Variants in CCAR1 observed in about 807,000 individuals in gnomAD.
CCAR1 encodes cell division cycle and apoptosis regulator protein 1.
CCAR1 carries 78 observed loss-of-function variants against 163.8 expected under a neutral mutation model. The observed-to-expected ratio is 0.48, with a 90% CI of 0.40 to 0.57. The LOEUF is 0.57. Ranked by LOEUF, CCAR1 falls within the 20% of genes least tolerant of loss-of-function variation. CCAR1 has a pLI of 0.00. For missense variants in CCAR1, 1,019 were observed against 1,365.2 expected (o/e 0.75, Z 4.00); for synonymous variants, 443 against 460.7 (o/e 0.96, Z 0.49).
chr10:68,782,525 CT>C (rs1415795705), intron 19 of CCAR1, among the ~76,000 whole-genome samples: 1 of 152,156 alleles, frequency 6.6e-6, no homozygotes, highest in African/African-American at 2.4e-5. Context: ...ACAAAACAGC[CT>C]TCTTCCATCG....
At chr10:68,752,137 C>G (rs930789062) in intron 10 of CCAR1, among the ~76,000 whole-genome samples, 40 of 151,750 alleles carry the variant, frequency 2.6e-4, no homozygotes, top group Admixed American at 2.6e-3. Context: ...CCAGGATGGT[C>G]TCCATCTCCT....
intron 19 of CCAR1, among the ~76,000 whole-genome samples, chr10:68,783,399 T>C (rs2056759013): frequency 6.6e-6 from 1 of 151,786 alleles, no homozygotes; most frequent in South Asian, 2.1e-4. Context: ...GGTCTCGATC[T>C]CCTGACCTCG....
At chr10:68,753,421 G>A (rs941014682) in intron 10 of CCAR1, among the ~76,000 whole-genome samples, 8 of 152,202 alleles carry the variant, frequency 5.3e-5, no homozygotes, top group African/African-American at 1.9e-4. Flanking sequence ...TAAAATAAAA[G>A]TTATAATTTT....
chr10:68,736,244 G>C (rs934555769), intron 2 of CCAR1, among the ~76,000 whole-genome samples: 9 of 152,012 alleles, frequency 5.9e-5, no homozygotes, highest in Admixed American at 5.9e-4. Flanking sequence ...TAATACCAAA[G>C]TTTTATAGAT....
intron 2 of CCAR1, among the ~76,000 whole-genome samples, chr10:68,723,177 AGT>A (rs2055885037): frequency 1.3e-5 from 2 of 150,344 alleles, no homozygotes; most frequent in African/African-American, 4.9e-5. Context: ...GCTGGAGTGC[AGT>A]GACGCAATCT....
At chr10:68,743,635 C>T (rs1450736129) in intron 6 of CCAR1, among the ~76,000 whole-genome samples, 5 of 151,854 alleles carry the variant, frequency 3.3e-5, no homozygotes, top group African/African-American at 7.3e-5. Context: ...CTCCACCTCC[C>T]GGGTTTAAGT....
At chr10:68,730,101 T>C (rs2056015158) in intron 2 of CCAR1, among the ~76,000 whole-genome samples, 1 of 151,690 alleles carries the variant, frequency 6.6e-6, no homozygotes, top group South Asian at 2.1e-4. Flanking sequence ...TTTGTATTTT[T>C]AGTAGAGATG....
intron 4 of CCAR1, among the ~76,000 whole-genome samples, chr10:68,738,821 C>T (rs1456113773): frequency 3.3e-5 from 5 of 151,934 alleles, no homozygotes; most frequent in Non-Finnish European, 5.9e-5. Flanking sequence ...CCAAGGCGGG[C>T]GGATCACTTG....
At chr10:68,739,944 A>G (rs1319870651) in intron 4 of CCAR1, among the ~76,000 whole-genome samples, 1 of 152,200 alleles carries the variant, frequency 6.6e-6, no homozygotes. Flanking sequence ...CTTTCATACT[A>G]ATTCCTTTTA....
At chr10:68,771,488 C>T (rs2056601756) in intron 18 of CCAR1, 43 bp downstream of exon 18, 1 of 1,494,162 alleles carries the variant, frequency 6.7e-7, no homozygotes, top group South Asian at 1.2e-5. Context: ...AGTTACTCTT[C>T]TAGGTTATAA....
chr10:68,723,795 C>T (rs1450164315), intron 2 of CCAR1, among the ~76,000 whole-genome samples: 4 of 149,528 alleles, frequency 2.7e-5, no homozygotes, highest in Admixed American at 1.4e-4. Flanking sequence ...TTGCAGCGAG[C>T]TGAGATCGCG....
At chr10:68,767,521 C>T (rs896903839) in intron 17 of CCAR1, among the ~76,000 whole-genome samples, 2 of 152,190 alleles carry the variant, frequency 1.3e-5, no homozygotes, top group Non-Finnish European at 2.9e-5. Context: ...GCTGAGATTA[C>T]AGGCGTGAGC....
At chr10:68,746,184 ACT>A (rs2056252094) in intron 6 of CCAR1, among the ~76,000 whole-genome samples, 2 of 151,260 alleles carry the variant, frequency 1.3e-5, no homozygotes, top group Admixed American at 6.6e-5. Context: ...TCTTGACCAG[ACT>A]GGTCTTGAAC....
At position 68,786,615 on chromosome 10, in the gene CCAR1, A is replaced by G; in HGVS notation, c.2803A>G (p.Ser935Gly). The change falls in exon 21 of 25, where the codon AGT (serine) becomes GGT (glycine). Residue 935 changes from serine to glycine, a missense_variant. Ser to Gly is a moderately conservative substitution (Grantham distance 56, BLOSUM62 0). Transcript: ENST00000265872. ...AATGGCTTTTGTTTATTTTGATCAA[A>G]GTCATTGTGGTTACCTTCTTGAAAA... ...LLMAFVYFDQ[S>G]HCGYLLEKDL... The G allele has an allele frequency of 6.2e-7, 1 of 1,604,118 alleles. No individual in the cohort carries two copies. Among genetic ancestry groups the G allele is most frequent in the Non-Finnish European group, 8.5e-7 (1 of 1,175,034 alleles).
intron 15 of CCAR1, among the ~76,000 whole-genome samples, chr10:68,759,979 CAT>C (rs1198519291): frequency 6.6e-6 from 1 of 151,994 alleles, no homozygotes; most frequent in East Asian, 1.9e-4. Flanking sequence ...GGGCTAAAGA[CAT>C]GTTCCACCAT....
intron 16 of CCAR1, among the ~76,000 whole-genome samples, 200 bp downstream of exon 16, chr10:68,761,392 C>T (rs1159415579): frequency 5.3e-5 from 8 of 152,060 alleles, no homozygotes; most frequent in African/African-American, 1.2e-4. Flanking sequence ...CTGCAACCTC[C>T]GCATCCCAGG....
chr10:68,764,551 A>AG (rs2056513986), intron 16 of CCAR1, among the ~76,000 whole-genome samples: 1 of 151,844 alleles, frequency 6.6e-6, no homozygotes, highest in South Asian at 2.1e-4. Context: ...AAAAAAAAAA[A>AG]GTTGCATGTA....
chr10:68,759,394 A>C (rs1219348197), intron 15 of CCAR1: 2 of 153,156 alleles, frequency 1.3e-5, no homozygotes, highest in Non-Finnish European at 2.9e-5. Context: ...CAGCCTAGGC[A>C]ACAAAATGAA....
At position 68,790,957 on chromosome 10, in the gene CCAR1, C is replaced by CCTT. The variant is rs2056846199; in HGVS notation, c.3394-250_3394-249insCTT. The stretch of plus-strand genomic sequence containing the variant: ...AAGCAGCCCACCTATCTTGGCCTCT[C>CCTT]AGAGTGCTGAGATTACAGTCATGAG... On this transcript the variant is annotated intron_variant, in intron 24 of 24. Transcript: ENST00000265872. 2.0e-5 allele frequency among the ~76,000 whole-genome samples: 3 copies of CCTT among 151,636 alleles called. No individual in the cohort carries two copies. In the South Asian group the frequency reaches 6.4e-4, roughly 32 times the overall value.
Sources: gnomAD v4.1 joint callset for allele counts (sites outside exome capture counted in the v4.1 genomes callset) on GRCh38, gnomAD v4.1.1 for gene constraint, MANE v1.5 for transcripts, NCBI Gene and HGNC (gene_info 2026-07-23, HGNC 2026-07-21) for gene names.